SPIRE1: variants seen among roughly 807,000 people sequenced by gnomAD.
SPIRE1 encodes the protein protein spire homolog 1.
Under a neutral mutation model 94.1 loss-of-function variants are expected in SPIRE1, and 40 were observed. The observed-to-expected ratio is 0.43, with a 90% CI of 0.33 to 0.55. The LOEUF is 0.55. Among genes scored for constraint, SPIRE1 ranks in the 20% least tolerant of loss-of-function variants. SPIRE1 has a pLI of 0.06. For synonymous variants in SPIRE1, 376 were observed against 371.7 expected, an observed-to-expected ratio of 1.01 and a Z score of -0.13; for missense variants, 838 against 975.2, an observed-to-expected ratio of 0.86 and a Z score of 1.87.
At chr18:12,452,228 G>A (rs1598880831) in intron 16 of SPIRE1, 27 bp downstream of exon 16, 2 of 1,612,876 alleles carry the variant, frequency 1.2e-6, no homozygotes. Context: ...GCAAAGGATG[G>A]TTTGACAACC....
chr18:12,571,980 G>A (rs1463952756), intron 2 of SPIRE1, among the ~76,000 whole-genome samples: 1 of 152,210 alleles, frequency 6.6e-6, no homozygotes, highest in African/African-American at 2.4e-5. Context: ...CTGGGGTCAC[G>A]GAAGCCCCTC....
chr18:12,538,523 G>T (rs2034908977), intron 3 of SPIRE1, among the ~76,000 whole-genome samples: 1 of 152,140 alleles, frequency 6.6e-6, no homozygotes, highest in African/African-American at 2.4e-5. Context: ...TACTGTAGCT[G>T]CCCTTGTCTA....
intron 2 of SPIRE1, among the ~76,000 whole-genome samples, chr18:12,623,159 A>G (rs558111117): frequency 9.4e-5 from 14 of 149,298 alleles, no homozygotes; most frequent in African/African-American, 3.4e-4. Context: ...ACAAATATAC[A>G]TTTTTTTTTT....
intron 6 of SPIRE1, among the ~76,000 whole-genome samples, chr18:12,502,795 G>A (rs1257010843): frequency 6.6e-6 from 1 of 152,044 alleles, no homozygotes; most frequent in Non-Finnish European, 1.5e-5. Context: ...CACAAGCCAC[G>A]GCACACACAT....
intron 2 of SPIRE1, among the ~76,000 whole-genome samples, chr18:12,613,559 T>C (rs2037202610): frequency 6.6e-6 from 1 of 152,200 alleles, no homozygotes; most frequent in South Asian, 2.1e-4. Context: ...CACCCCAGAT[T>C]TGAAAGACTT....
intron 1 of SPIRE1, among the ~76,000 whole-genome samples, chr18:12,639,537 G>A (rs1318880082): frequency 2.6e-5 from 4 of 152,078 alleles, no homozygotes; most frequent in Non-Finnish European, 5.9e-5. Flanking sequence ...TTCAAGGCCA[G>A]CCTAGCCAAG....
intron 1 of SPIRE1, among the ~76,000 whole-genome samples, chr18:12,654,473 C>T (rs982007804): frequency 2.7e-5 from 4 of 150,192 alleles, no homozygotes; most frequent in East Asian, 2.0e-4. Flanking sequence ...GGTGAAACCC[C>T]GTCTCTACTA....
upstream of SPIRE1, among the ~76,000 whole-genome samples, chr18:12,661,647 T>A (rs2038696760): frequency 6.7e-6 from 1 of 150,066 alleles, no homozygotes; most frequent in South Asian, 2.1e-4. Flanking sequence ...TGGTGATGCA[T>A]GCCTGTAATC....
intron 12 of SPIRE1, among the ~76,000 whole-genome samples, 158 bp downstream of exon 12, chr18:12,463,193 C>T (rs545493249): frequency 6.6e-6 from 1 of 152,240 alleles, no homozygotes; most frequent in Admixed American, 6.5e-5. Flanking sequence ...CGAGCCACCA[C>T]GCCTGGCTGT....
chr18:12,469,701 T>TTTATATAAATATATTTATATAAATATAA lies in SPIRE1; in HGVS notation c.1405-4771_1405-4744dup, dbSNP rs1479702004. Among the ~76,000 whole-genome samples the TTTATATAAATATATTTATATAAATATAA allele has an allele frequency of 2.9e-3, 410 of 143,794 alleles. 1 individual carries two copies. Among genetic ancestry groups the TTTATATAAATATATTTATATAAATATAA allele is most frequent in the African/African-American group, 9.7e-3 (382 of 39,584 alleles). The allele number at this position is 143,794 out of a possible 152,430, so 94.3% of individuals were successfully genotyped here. A position where few individuals can be genotyped will look rare whatever the true frequency, so the allele number is the denominator to read the frequency against. ...TATATAACATATATAATTTGTATAA[T>TTTATATAAATATATTTATATAAATATAA]TTATATAAATATATTTATATAAATA... On this transcript the variant is annotated intron_variant, in intron 10 of 16. Coordinates refer to ENST00000409402, the MANE Select transcript of SPIRE1 (RefSeq NM_001128626.2).
intron 2 of SPIRE1, among the ~76,000 whole-genome samples, chr18:12,569,594 G>A (rs2035911327): frequency 6.6e-6 from 1 of 150,878 alleles, no homozygotes; most frequent in Non-Finnish European, 1.5e-5. Context: ...AATTTTAGGA[G>A]GTTATTGGCC....
chr18:12,657,658 C>G lies in SPIRE1; in HGVS notation c.209G>C (p.Arg70Pro), dbSNP rs1163975590. The change falls in exon 1 of 17, where the codon CGC becomes CCC. Residue 70 changes from arginine (R) to proline (P), a missense_variant. Physicochemically the swap from Arg to Pro is moderately radical, Grantham distance 103. This residue lies in a region of SPIRE1 where 193 missense variants were observed against 170.5 expected (regional missense o/e 1.13). Transcript: ENST00000409402. ...AVCYQCCGSL[R>P]AAARRRQPRH... ...GGGCTGGCGGCGGCGGGCGGCGGCG[C>G]GCAGGGAACCGCAGCACTGGTAGCA... 1.5e-6 allele frequency: 2 copies of G among 1,326,740 alleles called. No homozygotes were observed. Among genetic ancestry groups the G allele is most frequent in the Admixed American group, 3.3e-5 (1 of 30,662 alleles). 82.2% of individuals were successfully genotyped at this position (1,326,740 alleles called of 1,614,324 possible).
chr18:12,470,941 G>A (rs1186565704), intron 10 of SPIRE1, among the ~76,000 whole-genome samples: 1 of 151,914 alleles, frequency 6.6e-6, no homozygotes, highest in Non-Finnish European at 1.5e-5. Flanking sequence ...AATACTGCCA[G>A]AGTATAGTTT....
Position 12,449,594 on chromosome 18 carries a change from C to T in SPIRE1, c.*44G>A, listed in dbSNP as rs756737780. 3.3e-5 allele frequency: 53 copies of T among 1,589,950 alleles called. 1 individual carries two copies. The South Asian group carries it at 3.9e-4, about 12-fold the overall frequency. On this transcript the variant is annotated 3_prime_UTR_variant, in exon 17 of 17. Coordinates refer to ENST00000409402, the MANE Select transcript of SPIRE1 (RefSeq NM_001128626.2). ...CAGCCCGGCTCAGTGTCCTCGCGCA[C>T]GGACGCTGACTCGTAGCACAAAAGC... is the stretch of plus-strand genomic sequence containing the variant.
intron 5 of SPIRE1, among the ~76,000 whole-genome samples, chr18:12,509,082 A>C (rs1283998396): frequency 6.6e-6 from 1 of 152,274 alleles, no homozygotes; most frequent in Non-Finnish European, 1.5e-5. Context: ...AATAACAGAC[A>C]ACTGTCATCA....
chr18:12,560,836 G>A, intron 2 of SPIRE1, among the ~76,000 whole-genome samples: 1 of 152,282 alleles, frequency 6.6e-6, no homozygotes, highest in South Asian at 2.1e-4. Context: ...CTGGGTGACA[G>A]AGCAAGACTC....
chr18:12,517,871 G>A (rs2034241347), intron 4 of SPIRE1, among the ~76,000 whole-genome samples: 1 of 152,048 alleles, frequency 6.6e-6, no homozygotes. Context: ...AAATAATAAT[G>A]TATTTTTTAT....
At chr18:12,467,867 T>C (rs1288223353) in intron 10 of SPIRE1, among the ~76,000 whole-genome samples, 2 of 152,092 alleles carry the variant, frequency 1.3e-5, no homozygotes, top group Non-Finnish European at 2.9e-5. Flanking sequence ...GAGAATCACT[T>C]GAACCCGGGA....
At chr18:12,654,611 C>T (rs1286431454) in intron 1 of SPIRE1, among the ~76,000 whole-genome samples, 1 of 151,634 alleles carries the variant, frequency 6.6e-6, no homozygotes, top group African/African-American at 2.4e-5. Flanking sequence ...GCTGAGATCG[C>T]GCCACCACAC....
Sources: gnomAD v4.1 joint callset for allele counts (sites outside exome capture counted in the v4.1 genomes callset) on GRCh38, gnomAD v4.1.1 for gene constraint, gnomAD v4.1.1 regional missense constraint, MANE v1.5 for transcripts, NCBI Gene and HGNC (gene_info 2026-07-23, HGNC 2026-07-21) for gene names.